MAGI2: variants seen among roughly 807,000 people sequenced by gnomAD.
MAGI2 encodes the protein membrane-associated guanylate kinase, WW and PDZ domain-containing protein 2.
A neutral mutation model predicts 133.3 loss-of-function variants in MAGI2; 35 were observed. That is an observed-to-expected ratio of 0.26 (90% CI 0.20 to 0.35). The LOEUF (loss-of-function observed/expected upper bound fraction) is 0.35, where lower values mean the gene tolerates loss of function less well. Among genes scored for constraint, MAGI2 ranks in the 10% least tolerant of loss-of-function variants. The probability of loss-of-function intolerance (pLI) is 1.00; values close to 1 mark genes in which losing one functional copy is unlikely to be tolerated. For synonymous variants in MAGI2, 729 were observed against 710.6 expected, an observed-to-expected ratio of 1.03 and a Z score of -0.41; for missense variants, 1,636 against 1,863.4, an observed-to-expected ratio of 0.88 and a Z score of 2.25.
At chr7:78,589,416 A>G (rs76919316) in intron 3 of MAGI2, among the ~76,000 whole-genome samples, 41,748 of 152,146 alleles carry the variant, frequency 0.27, 6,856 homozygotes, top group Middle Eastern at 0.43. Context: ...ATTTGGACCC[A>G]GCCAGCCTGG....
chr7:79,045,374 G>T (rs564674933), intron 1 of MAGI2, among the ~76,000 whole-genome samples: 56 of 152,196 alleles, frequency 3.7e-4, no homozygotes, highest in African/African-American at 1.3e-3. Flanking sequence ...GTAAATTATA[G>T]CTCAATATAG....
chr7:78,168,961 A>G (rs1278668560), intron 14 of MAGI2, among the ~76,000 whole-genome samples: 7 of 152,260 alleles, frequency 4.6e-5, no homozygotes, highest in African/African-American at 1.7e-4. Flanking sequence ...ATACTTCCTC[A>G]GAGCACTGTC....
chr7:78,083,383 GGGGGGA>G (rs1563098706), intron 20 of MAGI2, among the ~76,000 whole-genome samples: 15 of 76,412 alleles, frequency 2.0e-4, no homozygotes, highest in African/African-American at 6.8e-4. Flanking sequence ...AGGGAGGGAG[GGGGGGA>G]GAGAGAGAGA....
chr7:78,395,347 G>A (rs1420906448), intron 6 of MAGI2, among the ~76,000 whole-genome samples: 1 of 152,192 alleles, frequency 6.6e-6, no homozygotes, highest in Non-Finnish European at 1.5e-5. Flanking sequence ...CAAGACAAAT[G>A]TTCAAAAGTG....
chr7:78,851,687 C>G (rs1793151352), intron 2 of MAGI2, among the ~76,000 whole-genome samples: 1 of 152,094 alleles, frequency 6.6e-6, no homozygotes, highest in Non-Finnish European at 1.5e-5. Flanking sequence ...TGTAGGAAGT[C>G]TGATATTTGT....
At chr7:79,349,152 T>C (rs944809432) in intron 1 of MAGI2, among the ~76,000 whole-genome samples, 2 of 152,040 alleles carry the variant, frequency 1.3e-5, no homozygotes, top group Non-Finnish European at 2.9e-5. Context: ...TGTTGATTCA[T>C]TCCTTTTATC....
intron 1 of MAGI2, among the ~76,000 whole-genome samples, chr7:79,271,424 T>A (rs1834867279): frequency 6.6e-6 from 1 of 152,100 alleles, no homozygotes; most frequent in Non-Finnish European, 1.5e-5. Context: ...AGGCTGTAAA[T>A]CTGGCACCTC....
At chr7:78,916,003 A>T (rs1798764300) in intron 2 of MAGI2, among the ~76,000 whole-genome samples, 1 of 152,030 alleles carries the variant, frequency 6.6e-6, no homozygotes, top group Non-Finnish European at 1.5e-5. Flanking sequence ...ATTGTAACAT[A>T]CGTTTTTATA....
chr7:79,195,974 G>A (rs1209948095), intron 1 of MAGI2, among the ~76,000 whole-genome samples: 1 of 151,868 alleles, frequency 6.6e-6, no homozygotes, highest in East Asian at 1.9e-4. Flanking sequence ...GTTGGGCATC[G>A]GGGGTTGAGG....
intron 1 of MAGI2, among the ~76,000 whole-genome samples, chr7:79,104,566 C>A (rs2129543468): frequency 6.6e-6 from 1 of 152,146 alleles, no homozygotes; most frequent in Middle Eastern, 3.4e-3. Context: ...ACTCAGGAGG[C>A]TGAGGCAGGA....
chr7:79,338,508 GATCGAA>G, intron 1 of MAGI2, among the ~76,000 whole-genome samples: 1 of 152,202 alleles, frequency 6.6e-6, no homozygotes, highest in East Asian at 1.9e-4. Flanking sequence ...TGAAAATTCT[GATCGAA>G]ATCCAAAGAA....
At chr7:79,447,869 T>C (rs1278680579) in intron 1 of MAGI2, among the ~76,000 whole-genome samples, 1 of 151,958 alleles carries the variant, frequency 6.6e-6, no homozygotes, top group Non-Finnish European at 1.5e-5. Context: ...TTATACATTG[T>C]TGACTGTGAA....
intron 6 of MAGI2, among the ~76,000 whole-genome samples, chr7:78,481,761 AC>A (rs1405272725): frequency 1.3e-5 from 2 of 151,910 alleles, no homozygotes; most frequent in African/African-American, 4.8e-5. Context: ...ACAAAAATTA[AC>A]CCAAAATACA....
intron 6 of MAGI2, among the ~76,000 whole-genome samples, chr7:78,443,133 A>G (rs1329091650): frequency 6.6e-6 from 1 of 152,176 alleles, no homozygotes; most frequent in Admixed American, 6.6e-5. Flanking sequence ...AAAACTACTA[A>G]GCAGAGCCAT....
At chr7:79,129,594 T>G (rs952321743) in intron 1 of MAGI2, among the ~76,000 whole-genome samples, 1 of 152,188 alleles carries the variant, frequency 6.6e-6, no homozygotes, top group Non-Finnish European at 1.5e-5. Context: ...AGTTTAAGTT[T>G]GCTTAGTGGT....
intron 1 of MAGI2, among the ~76,000 whole-genome samples, chr7:79,021,496 G>A (rs1311514168): frequency 6.6e-6 from 1 of 152,222 alleles, no homozygotes; most frequent in Non-Finnish European, 1.5e-5. Context: ...TGGATTCAAA[G>A]CAGATTATTT....
chr7:79,061,526 C>T (rs962601262), intron 1 of MAGI2, among the ~76,000 whole-genome samples: 17 of 151,604 alleles, frequency 1.1e-4, no homozygotes, highest in Non-Finnish European at 1.5e-4. Flanking sequence ...AATAAGGACC[C>T]GCTCAGGCTA....
At position 79,293,691 on chromosome 7, in the gene MAGI2, C is replaced by A. The variant is rs559862669; in HGVS notation, c.301+159329G>T. ...AATTTATGGTTTAGGAGGCAAGTAACTTAGCCAAAATCACTGGTCAAGGGA... is the reference window on the plus strand; with the variant it reads ...AATTTATGGTTTAGGAGGCAAGTAAATTAGCCAAAATCACTGGTCAAGGGA... On this transcript the variant is annotated intron_variant, in intron 1 of 21. Coordinates refer to ENST00000354212, the MANE Select transcript of MAGI2 (RefSeq NM_012301.4). 3.9e-5 allele frequency among the ~76,000 whole-genome samples: 6 copies of A among 152,308 alleles called. 1 individual carries two copies. In the East Asian group the frequency reaches 1.2e-3, roughly 29 times the overall value.
intron 6 of MAGI2, among the ~76,000 whole-genome samples, chr7:78,464,271 T>C (rs1160727897): frequency 6.6e-6 from 1 of 152,172 alleles, no homozygotes; most frequent in Non-Finnish European, 1.5e-5. Flanking sequence ...TAGCTTCTAC[T>C]CTGCGACACT....
Sources: gnomAD v4.1 joint callset for allele counts (sites outside exome capture counted in the v4.1 genomes callset) on GRCh38, gnomAD v4.1.1 for gene constraint, MANE v1.5 for transcripts, NCBI Gene and HGNC (gene_info 2026-07-23, HGNC 2026-07-21) for gene names.